Variants in PLCXD2 observed in about 807,000 individuals in gnomAD.
The protein encoded by PLCXD2 is phosphatidylinositol specific phospholipase C X domain containing 2.
Under a neutral mutation model 28.6 loss-of-function variants are expected in PLCXD2, and 21 were observed. That is an observed-to-expected ratio of 0.73 (90% CI 0.52 to 1.06). The LOEUF is 1.06. Ranked by LOEUF, PLCXD2 falls within the 50% of genes least tolerant of loss-of-function variation. The pLI is 0.00. For missense variants in PLCXD2, 369 were observed against 376.7 expected (o/e 0.98, Z 0.17); for synonymous variants, 140 against 150.1 (o/e 0.93, Z 0.49).
At chr3:111,715,715 C>T (rs1941258384) in intron 3 of PLCXD2, among the ~76,000 whole-genome samples, 1 of 152,152 alleles carries the variant, frequency 6.6e-6, no homozygotes, top group Admixed American at 6.5e-5. Flanking sequence ...TAAGTGACCC[C>T]AATCCATACA....
chr3:111,683,558 T>C (rs1037568832), intron 1 of PLCXD2, among the ~76,000 whole-genome samples: 19 of 152,172 alleles, frequency 1.2e-4, no homozygotes, highest in African/African-American at 4.1e-4. Flanking sequence ...AGAAACTCAT[T>C]GTTTCTTTCA....
chr3:111,717,360 C>T (rs73218267), intron 3 of PLCXD2, among the ~76,000 whole-genome samples: 6 of 152,260 alleles, frequency 3.9e-5, no homozygotes, highest in African/African-American at 1.4e-4. Context: ...ACCTCCTGCT[C>T]TGCCATCCAT....
At chr3:111,725,470 C>T in intron 3 of PLCXD2, 1 of 395,952 alleles carries the variant, frequency 2.5e-6, no homozygotes, top group Non-Finnish European at 4.4e-6. Flanking sequence ...CCAAACAGCT[C>T]ATTACTACCC....
rs1283153801 is a variant in PLCXD2 at position 111,681,878 on chromosome 3, C to G, written c.163+6470C>G. On this transcript the variant is annotated intron_variant, in intron 1 of 4. Transcript: ENST00000477665. The stretch of plus-strand genomic sequence containing the variant: ...TCTCCTGCCTCTAGGAACTTAGGAG[C>G]ACAGGCACACTAAAGGTAATGCTAG... Among the ~76,000 whole-genome samples the G allele has an allele frequency of 2.6e-5, 4 of 152,204 alleles. No homozygotes were observed. The East Asian group carries it at 7.7e-4, about 29-fold the overall frequency.
intron 1 of PLCXD2, among the ~76,000 whole-genome samples, chr3:111,676,121 T>C (rs887226559): frequency 1.3e-5 from 2 of 152,172 alleles, no homozygotes; most frequent in African/African-American, 2.4e-5. Flanking sequence ...TTGACATCAT[T>C]TGTTAAATGT....
At chr3:111,677,313 T>G (rs1183568458) in intron 1 of PLCXD2, 1 of 152,208 alleles carries the variant, frequency 6.6e-6, no homozygotes, top group Non-Finnish European at 1.5e-5. Flanking sequence ...CTACTAGTTC[T>G]CTTTCCTCTA....
intron 1 of PLCXD2, chr3:111,692,625 CA>C (rs1940904909): frequency 6.6e-6 from 1 of 152,112 alleles, no homozygotes. Flanking sequence ...GTCATTGACC[CA>C]GTTTTAGAAG....
intron 1 of PLCXD2, among the ~76,000 whole-genome samples, chr3:111,680,459 A>G (rs1187387723): frequency 8.1e-6 from 1 of 122,798 alleles, no homozygotes; most frequent in African/African-American, 3.3e-5. Flanking sequence ...CTCAATCATG[A>G]AAAAAAAAAA....
chr3:111,701,591 C>CA lies in PLCXD2; in HGVS notation c.164-6332dup, dbSNP rs1941042440. On this transcript the variant is annotated intron_variant, in intron 1 of 4. Transcript: ENST00000477665. The stretch of plus-strand genomic sequence containing the variant: ...GGAAGTGGGAGGAATGTGTCATAAT[C>CA]AAAGCTGTATCTTAAGAAAACTACC... Among the ~76,000 whole-genome samples, 11 of 152,208 alleles carry CA rather than the reference C, an allele frequency of 7.2e-5. No individual in the cohort carries two copies. In the South Asian group the frequency reaches 2.3e-3, roughly 32 times the overall value.
chr3:111,714,089 G>A lies in PLCXD2; in HGVS notation c.827G>A (p.Arg276Gln), dbSNP rs773816416. Residue 276 changes from arginine (R) to glutamine (Q), a missense_variant, in exon 3 of 5, where the codon CGG becomes CAG. Coordinates refer to ENST00000477665, the MANE Select transcript of PLCXD2 (RefSeq NM_001185106.1). Reference sequence around the variant, plus strand: ...ACCCCCAGAGTGAAGACCATTGCCCGGGGCTTGGTTGGGGGCCTCAAGAAC... The same window carrying A: ...ACCCCCAGAGTGAAGACCATTGCCCAGGGCTTGGTTGGGGGCCTCAAGAAC... The A allele has an allele frequency of 1.4e-5, 23 of 1,613,984 alleles. No homozygotes were observed. Among genetic ancestry groups the A allele is most frequent in the South Asian group, 1.1e-4 (10 of 91,084 alleles).
intron 3 of PLCXD2, among the ~76,000 whole-genome samples, chr3:111,716,121 G>GC (rs1284287314): frequency 1.2e-4 from 18 of 152,078 alleles, no homozygotes; most frequent in Non-Finnish European, 2.6e-4. Context: ...TTGGCATCTC[G>GC]CCCCCCTGCC....
At chr3:111,712,756 C>T (rs965548527) in intron 2 of PLCXD2, among the ~76,000 whole-genome samples, 1 of 152,164 alleles carries the variant, frequency 6.6e-6, no homozygotes, top group African/African-American at 2.4e-5. Flanking sequence ...GGATGGCAGT[C>T]CAGGCCTCGT....
intron 3 of PLCXD2, among the ~76,000 whole-genome samples, chr3:111,716,071 G>A (rs1173717865): frequency 6.6e-6 from 1 of 152,228 alleles, no homozygotes; most frequent in African/African-American, 2.4e-5. Flanking sequence ...ACTACTGCTA[G>A]CAGCAAGCCA....
chr3:111,706,906 A>G (rs1399493263), intron 1 of PLCXD2, among the ~76,000 whole-genome samples: 1 of 152,166 alleles, frequency 6.6e-6, no homozygotes, highest in Non-Finnish European at 1.5e-5. Flanking sequence ...AAATATATTT[A>G]TACACCTAAC....
intron 3 of PLCXD2, chr3:111,723,686 A>T (rs534640691): frequency 6.6e-6 from 1 of 152,338 alleles, no homozygotes; most frequent in African/African-American, 2.4e-5. Flanking sequence ...ATTGTAAAGG[A>T]TGTGTGCCTT....
intron 1 of PLCXD2, among the ~76,000 whole-genome samples, chr3:111,701,678 GT>G (rs1576459430): frequency 6.6e-6 from 1 of 152,170 alleles, no homozygotes; most frequent in South Asian, 2.1e-4. Context: ...TGTTTGGGTG[GT>G]TTTTGGTACT....
intron 3 of PLCXD2, among the ~76,000 whole-genome samples, chr3:111,718,317 T>TAG (rs1941298017): frequency 6.6e-6 from 1 of 151,862 alleles, no homozygotes; most frequent in Non-Finnish European, 1.5e-5. Context: ...ACAAAGAAAT[T>TAG]AGCTGGGCGT....
intron 1 of PLCXD2, among the ~76,000 whole-genome samples, chr3:111,696,450 T>C (rs963674492): frequency 6.6e-6 from 1 of 152,202 alleles, no homozygotes. Context: ...TTTTAGTTTA[T>C]ATATTTTTTA....
At chr3:111,697,699 C>G (rs2107852707) in intron 1 of PLCXD2, among the ~76,000 whole-genome samples, 1 of 152,252 alleles carries the variant, frequency 6.6e-6, no homozygotes, top group East Asian at 1.9e-4. Flanking sequence ...AAAAATCTGT[C>G]ATTCAACATC....
Sources: allele counts gnomAD v4.1 joint callset (sites outside exome capture counted in the v4.1 genomes callset), GRCh38; gene constraint gnomAD v4.1.1; transcripts MANE v1.5; gene names NCBI Gene and HGNC (gene_info 2026-07-23, HGNC 2026-07-21).